SLC8A3: variants seen among roughly 807,000 people sequenced by gnomAD.
SLC8A3 encodes solute carrier family 8 member A3.
SLC8A3 carries 37 observed loss-of-function variants against 65.4 expected under a neutral mutation model. The observed-to-expected ratio is 0.57, with a 90% CI of 0.44 to 0.74. SLC8A3 has a LOEUF of 0.74. Among genes scored for constraint, SLC8A3 ranks in the 30% least tolerant of loss-of-function variants. The pLI is 0.00. For missense variants in SLC8A3, 1,112 were observed against 1,172.1 expected, an observed-to-expected ratio of 0.95 and a Z score of 0.75; for synonymous variants, 461 against 444.5, an observed-to-expected ratio of 1.04 and a Z score of -0.47.
intron 2 of SLC8A3, among the ~76,000 whole-genome samples, chr14:70,071,348 T>C (rs1369407032): frequency 1.3e-5 from 2 of 152,198 alleles, no homozygotes; most frequent in African/African-American, 4.8e-5. Context: ...GTGGGCCTGA[T>C]TGAATCGCAT....
At chr14:70,169,236 C>T (rs994762994) in intron 1 of SLC8A3, among the ~76,000 whole-genome samples, 1 of 152,186 alleles carries the variant, frequency 6.6e-6, no homozygotes, top group African/African-American at 2.4e-5. Context: ...TCTGAGATAG[C>T]TTGGGAAATC....
intron 2 of SLC8A3, among the ~76,000 whole-genome samples, chr14:70,132,812 CT>C (rs1746566769): frequency 6.6e-6 from 1 of 152,144 alleles, no homozygotes; most frequent in African/African-American, 2.4e-5. Flanking sequence ...GAGACAGGAG[CT>C]CAAGTAATCA....
chr14:70,186,587 C>T (rs906217722), intron 1 of SLC8A3, among the ~76,000 whole-genome samples: 12 of 152,154 alleles, frequency 7.9e-5, no homozygotes, highest in African/African-American at 2.9e-4. Context: ...GTTCTATAGG[C>T]CTTATCTGCT....
At chr14:70,075,429 G>C (rs1483334816) in intron 2 of SLC8A3, among the ~76,000 whole-genome samples, 1 of 152,230 alleles carries the variant, frequency 6.6e-6, no homozygotes, top group African/African-American at 2.4e-5. Context: ...TGGGAGGAGG[G>C]TGGAGTGTCT....
Position 70,167,117 on chromosome 14 carries a change from C to T in SLC8A3, c.1306G>A (p.Glu436Lys). Reference protein sequence around the residue: ...SKTMYVDYKTEDGSANAGADY... With the variant: ...SKTMYVDYKTKDGSANAGADY... ...GCCCCTGCATTGGCAGAACCATCCTCTGTTTTGTAGTCCACATACATGGTC... is the reference window on the plus strand; with the variant it reads ...GCCCCTGCATTGGCAGAACCATCCTTTGTTTTGTAGTCCACATACATGGTC... Residue 436 changes from glutamate to lysine, a missense_variant, in exon 2 of 7, where the codon GAG becomes AAG. Glu to Lys is a moderately conservative substitution (Grantham distance 56, BLOSUM62 1). Coordinates refer to ENST00000356921, the MANE Select transcript of SLC8A3 (RefSeq NM_182932.3). The T allele has an allele frequency of 6.2e-7, 1 of 1,614,210 alleles. No individual in the cohort carries two copies. Among genetic ancestry groups the T allele is most frequent in the Non-Finnish European group, 8.5e-7 (1 of 1,180,044 alleles).
chr14:70,091,588 G>C (rs74751446), intron 2 of SLC8A3, among the ~76,000 whole-genome samples: 3 of 152,142 alleles, frequency 2.0e-5, no homozygotes, highest in Non-Finnish European at 4.4e-5. Context: ...TTGCTTTGCA[G>C]ATATCTGGTG....
intron 2 of SLC8A3, among the ~76,000 whole-genome samples, chr14:70,158,461 G>A (rs892554399): frequency 1.3e-5 from 2 of 152,164 alleles, no homozygotes; most frequent in East Asian, 3.9e-4. Context: ...ATCCATAATC[G>A]ACAATTTGTT....
intron 2 of SLC8A3, among the ~76,000 whole-genome samples, chr14:70,139,471 G>C (rs967183899): frequency 4.5e-4 from 68 of 152,310 alleles, no homozygotes; most frequent in Non-Finnish European, 4.4e-5. Context: ...GGCCATATGA[G>C]AACACAGAGA....
intron 1 of SLC8A3, among the ~76,000 whole-genome samples, chr14:70,185,872 T>G (rs191038902): frequency 2.0e-5 from 3 of 152,354 alleles, no homozygotes; most frequent in Admixed American, 2.0e-4. Flanking sequence ...TCCATTCTAT[T>G]TTATTTGCAT....
chr14:70,126,934 T>A (rs1056021556), intron 2 of SLC8A3, among the ~76,000 whole-genome samples: 4 of 152,152 alleles, frequency 2.6e-5, no homozygotes, highest in Non-Finnish European at 5.9e-5. Flanking sequence ...AAAACACTTC[T>A]GGTATCAAGC....
At chr14:70,080,104 C>T (rs1342993672) in intron 2 of SLC8A3, 1 of 985,448 alleles carries the variant, frequency 1.0e-6, no homozygotes, top group African/African-American at 1.7e-5. Flanking sequence ...TTCCTTGACC[C>T]CTTCCTTTGA....
At position 70,167,293 on chromosome 14, in the gene SLC8A3, G is replaced by T. The variant is rs1220317886; in HGVS notation, c.1130C>A (p.Ala377Asp). The T allele has an allele frequency of 1.2e-6, 2 of 1,614,190 alleles. No individual in the cohort carries two copies. Among genetic ancestry groups the T allele is most frequent in the Non-Finnish European group, 1.7e-6 (2 of 1,180,038 alleles). ...NILKKHAAEQ[A>D]KKASSMSEVH... Reference sequence around the variant, plus strand: ...CTCGCTCATGCTGGAGGCCTTCTTGGCTTGTTCTGCTGCATGTTTCTTCAG... The same window carrying T: ...CTCGCTCATGCTGGAGGCCTTCTTGTCTTGTTCTGCTGCATGTTTCTTCAG... The change falls in exon 2 of 7, where the codon GCC becomes GAC. Residue 377 changes from alanine (A) to aspartate (D), a missense_variant. Coordinates refer to ENST00000356921, the MANE Select transcript of SLC8A3 (RefSeq NM_182932.3).
At chr14:70,141,700 G>A (rs749482449) in intron 2 of SLC8A3, among the ~76,000 whole-genome samples, 9 of 152,172 alleles carry the variant, frequency 5.9e-5, no homozygotes, top group African/African-American at 1.2e-4. Flanking sequence ...AGAGTGGTGC[G>A]GCTTTGGATG....
At chr14:70,104,978 T>TA (rs1207457979) in intron 2 of SLC8A3, among the ~76,000 whole-genome samples, 4 of 151,990 alleles carry the variant, frequency 2.6e-5, no homozygotes. Flanking sequence ...ATAATGTAGA[T>TA]AAAAAATAGG....
At chr14:70,139,742 G>A (rs376224631) in intron 2 of SLC8A3, among the ~76,000 whole-genome samples, 15 of 152,290 alleles carry the variant, frequency 9.8e-5, no homozygotes, top group East Asian at 7.7e-4. Context: ...TGATGCCCCC[G>A]GGAGAGGGGT....
chr14:70,079,613 A>G (rs1890861227), intron 2 of SLC8A3, among the ~76,000 whole-genome samples: 2 of 152,116 alleles, frequency 1.3e-5, no homozygotes, highest in East Asian at 3.9e-4. Flanking sequence ...TGTAAGTTCC[A>G]TGTCCGGGCA....
intron 6 of SLC8A3, 117 bp downstream of exon 6, chr14:70,048,650 G>T: frequency 1.1e-6 from 1 of 896,280 alleles, no homozygotes; most frequent in Non-Finnish European, 1.8e-6. Context: ...CACTTTAAGG[G>T]CAGAGGCTCT....
At chr14:70,117,139 C>T (rs1477735755) in intron 2 of SLC8A3, among the ~76,000 whole-genome samples, 1 of 152,216 alleles carries the variant, frequency 6.6e-6, no homozygotes, top group Non-Finnish European at 1.5e-5. Context: ...TGGGACTATA[C>T]CTTCTTCTTC....
At chr14:70,138,928 T>C (rs12147147) in intron 2 of SLC8A3, among the ~76,000 whole-genome samples, 17,649 of 152,228 alleles carry the variant, frequency 0.12, 1,230 homozygotes, top group Non-Finnish European at 0.16. Context: ...ACTTAGAAAA[T>C]ACCTGCCCAG....
Sources: gnomAD v4.1 joint callset for allele counts (sites outside exome capture counted in the v4.1 genomes callset) on GRCh38, gnomAD v4.1.1 for gene constraint, MANE v1.5 for transcripts, NCBI Gene and HGNC (gene_info 2026-07-23, HGNC 2026-07-21) for gene names.